The following DENND2B variants were observed in gnomAD, a reference collection of about 807,000 sequenced individuals.
DENND2B encodes the protein DENN domain containing 2B.
DENND2B carries 32 observed loss-of-function variants against 116.0 expected under a neutral mutation model. That is an observed-to-expected ratio of 0.28 (90% CI 0.21 to 0.37). DENND2B has a LOEUF of 0.37. DENND2B is among the 10% of genes least tolerant of loss of function. The pLI is 1.00. For missense variants in DENND2B, 1,276 were observed against 1,477.7 expected (o/e 0.86, Z 2.24); for synonymous variants, 588 against 583.9 (o/e 1.01, Z -0.10).
At chr11:8,738,380 C>T (rs2049500662) in intron 2 of DENND2B, among the ~76,000 whole-genome samples, 1 of 152,196 alleles carries the variant, frequency 6.6e-6, no homozygotes, top group Admixed American at 6.5e-5. Flanking sequence ...CTTCCTCGTC[C>T]AGACCTCAAA....
chr11:8,887,182 T>G (rs1010230149), intron 1 of DENND2B, among the ~76,000 whole-genome samples: 5 of 152,328 alleles, frequency 3.3e-5, no homozygotes, highest in African/African-American at 1.2e-4. Flanking sequence ...TCTTAATATT[T>G]TGGCATTATA....
At chr11:8,741,987 C>A (rs964762956) in intron 2 of DENND2B, among the ~76,000 whole-genome samples, 1 of 152,198 alleles carries the variant, frequency 6.6e-6, no homozygotes, top group Non-Finnish European at 1.5e-5. Context: ...AATTCTTGGG[C>A]TCAAGCGAGC....
At chr11:8,875,310 G>T (rs1363201570), upstream of DENND2B, among the ~76,000 whole-genome samples, 2 of 148,912 alleles carry the variant, frequency 1.3e-5, no homozygotes, top group Non-Finnish European at 3.0e-5. Context: ...GCTACAGAGT[G>T]AGACTCAGTC....
At chr11:8,837,824 C>G (rs1477385801) in intron 4 of DENND2B, among the ~76,000 whole-genome samples, 1 of 152,188 alleles carries the variant, frequency 6.6e-6, no homozygotes, top group Admixed American at 6.5e-5. Context: ...TCTCTGGAAG[C>G]TACAACTTCC....
intron 1 of DENND2B, among the ~76,000 whole-genome samples, chr11:8,909,328 C>A (rs934987220): frequency 6.6e-6 from 1 of 152,130 alleles, no homozygotes; most frequent in African/African-American, 2.4e-5. Context: ...CGTGCCACTG[C>A]ACTTCAGCCT....
chr11:8,717,484 G>C (rs1450388614), intron 5 of DENND2B, among the ~76,000 whole-genome samples: 2 of 152,318 alleles, frequency 1.3e-5, no homozygotes, highest in East Asian at 1.9e-4. Context: ...GATAGGACAG[G>C]ATGCCCCTCA....
chr11:8,902,999 A>G (rs1444985070), intron 1 of DENND2B, among the ~76,000 whole-genome samples: 1 of 152,104 alleles, frequency 6.6e-6, no homozygotes, highest in Non-Finnish European at 1.5e-5. Flanking sequence ...AGCTGAGACT[A>G]CAGGCATGCG....
chr11:8,716,642 G>C (rs1243474257), intron 5 of DENND2B, among the ~76,000 whole-genome samples: 1 of 143,550 alleles, frequency 7.0e-6, no homozygotes, highest in Non-Finnish European at 1.5e-5. Flanking sequence ...CCTAATTAGA[G>C]GGTAAATCTT....
At position 8,702,930 on chromosome 11, in the gene DENND2B, A is replaced by T; in HGVS notation, c.2572-210T>A. On this transcript the variant is annotated intron_variant, in intron 13 of 19. Transcript: ENST00000313726. This position sits in a 1 kb window ranked among gnomAD's most constrained non-coding sequence, Gnocchi z 4.6. ...CTCGAACACCCAGCCTGTGGGCAAG[A>T]GGGCTGCCTGTGAAAGCGGGGAAGG... The T allele has an allele frequency of 1.6e-6, 1 of 613,798 alleles. No individual in the cohort carries two copies. Among genetic ancestry groups the T allele is most frequent in the Non-Finnish European group, 2.7e-6 (1 of 365,746 alleles). 38.0% of individuals were successfully genotyped at this position (613,798 alleles called of 1,614,324 possible). A position where few individuals can be genotyped will look rare whatever the true frequency, so the allele number is the denominator to read the frequency against.
At chr11:8,861,523 C>CA (rs1412747452) in intron 2 of DENND2B, among the ~76,000 whole-genome samples, 1 of 152,018 alleles carries the variant, frequency 6.6e-6, no homozygotes, top group African/African-American at 2.4e-5. Flanking sequence ...ACTAAAAAGT[C>CA]AAAAAACAAT....
At chr11:8,898,603 A>G (rs2653561) in intron 1 of DENND2B, among the ~76,000 whole-genome samples, 136,668 of 152,168 alleles carry the variant, frequency 0.9, 63,167 homozygotes, top group East Asian at 1. Context: ...GCAAACTACA[A>G]CTCATGGCCC....
intron 4 of DENND2B, among the ~76,000 whole-genome samples, chr11:8,832,915 G>A (rs891752733): frequency 1.3e-5 from 2 of 152,248 alleles, no homozygotes; most frequent in African/African-American, 4.8e-5. Flanking sequence ...TTGAATGTCA[G>A]CAAGGGTCTT....
At chr11:8,809,610 C>CA in intron 1 of DENND2B, 1 of 152,408 alleles carries the variant, frequency 6.6e-6, no homozygotes, top group African/African-American at 2.4e-5. Context: ...CAAGGCCACA[C>CA]AGCTCACCAT....
intron 4 of DENND2B, 62 bp from the exon 5 acceptor site, chr11:8,717,954 C>G: frequency 6.4e-7 from 1 of 1,566,564 alleles, no homozygotes; most frequent in East Asian, 2.3e-5. Flanking sequence ...CGAACTCACA[C>G]ACACACAAAT....
In DENND2B at chr11:8,909,887, C is replaced by A. The variant is rs544853823; in HGVS notation, c.-256+934G>T. ...AAAGTGACCCCCACTGAGCGTGTCC[C>A]TCAAAGTGGACCTTCCTAAGCATCG... On this transcript the variant is annotated intron_variant, in intron 1 of 22. Coordinates refer to the DENND2B transcript ENST00000534127. 30 of 152,284 alleles carry A rather than the reference C, an allele frequency of 2.0e-4. No homozygotes were observed. In the East Asian group the frequency reaches 5.8e-3, roughly 29 times the overall value. The allele number at this position is 152,284 out of a possible 1,614,324, so 9.4% of individuals were successfully genotyped here. A position where few individuals can be genotyped will look rare whatever the true frequency, so the allele number is the denominator to read the frequency against.
chr11:8,856,528 G>C (rs962123036), intron 3 of DENND2B, among the ~76,000 whole-genome samples: 2 of 152,092 alleles, frequency 1.3e-5, no homozygotes, highest in Non-Finnish European at 2.9e-5. Flanking sequence ...CAACTTATCC[G>C]TCCAAAGCAT....
At chr11:8,745,264 A>C (rs1364469229) in intron 2 of DENND2B, among the ~76,000 whole-genome samples, 1 of 152,140 alleles carries the variant, frequency 6.6e-6, no homozygotes, top group Admixed American at 6.5e-5. Flanking sequence ...CATGTTGCCC[A>C]GGCTGGTCTC....
At chr11:8,731,841 G>A (rs559506728) in intron 2 of DENND2B, among the ~76,000 whole-genome samples, 3 of 152,302 alleles carry the variant, frequency 2.0e-5, no homozygotes, top group East Asian at 3.9e-4. Context: ...CACTGGCTGT[G>A]GAGTTGAGAA....
chr11:8,716,138 G>A (rs182254356), intron 5 of DENND2B, among the ~76,000 whole-genome samples: 1 of 152,332 alleles, frequency 6.6e-6, no homozygotes, highest in Non-Finnish European at 1.5e-5. Context: ...TGAGCTATGG[G>A]ACAAGAATTA....
Sources: gnomAD v4.1 joint callset for allele counts (sites outside exome capture counted in the v4.1 genomes callset) on GRCh38, gnomAD v4.1.1 for gene constraint, Gnocchi (gnomAD v3.1) non-coding constraint, MANE v1.5 for transcripts, NCBI Gene and HGNC (gene_info 2026-07-23, HGNC 2026-07-21) for gene names.